DST: variants seen among roughly 807,000 people sequenced by gnomAD.
DST encodes the protein dystonin.
In DST, 253 loss-of-function variants were observed where a neutral mutation model predicts 875.2. The observed-to-expected ratio is 0.29, with a 90% CI of 0.26 to 0.32. DST has a LOEUF of 0.32. DST is among the 10% of genes least tolerant of loss of function. The pLI, the probability that DST is intolerant of heterozygous loss-of-function variation, is 1.00. For missense variants in DST, 8,287 were observed against 9,111.6 expected (o/e 0.91, Z 3.68); for synonymous variants, 3,124 against 3,197.1 (o/e 0.98, Z 0.77).
chr6:56,524,481 T>C (rs1184446137), intron 69 of DST, among the ~76,000 whole-genome samples: 2 of 152,024 alleles, frequency 1.3e-5, no homozygotes, highest in African/African-American at 4.8e-5. Context: ...GGCACAGCAG[T>C]GAGGGAGAAT....
chr6:56,761,563 C>T (rs997157450), intron 4 of DST, among the ~76,000 whole-genome samples: 1 of 152,108 alleles, frequency 6.6e-6, no homozygotes, highest in African/African-American at 2.4e-5. Flanking sequence ...ACAAGTTAAA[C>T]AGCATAGTAG....
chr6:56,561,786 T>C (rs966549276), intron 56 of DST, among the ~76,000 whole-genome samples: 4 of 152,176 alleles, frequency 2.6e-5, no homozygotes, highest in Non-Finnish European at 4.4e-5. Context: ...ACATTTTAAA[T>C]GTAACAAAAA....
intron 2 of DST, among the ~76,000 whole-genome samples, chr6:56,907,833 G>C (rs1391886784): frequency 6.6e-6 from 1 of 152,164 alleles, no homozygotes; most frequent in African/African-American, 2.4e-5. Flanking sequence ...TACGCATCTG[G>C]AAAGAGGAAA....
intron 5 of DST, among the ~76,000 whole-genome samples, chr6:56,715,892 C>A (rs959744415): frequency 1.3e-5 from 2 of 152,180 alleles, no homozygotes; most frequent in Admixed American, 6.5e-5. Flanking sequence ...TTCCTATACG[C>A]CCCCCTTCCC....
rs764717486 is a variant in DST at position 56,606,447 on chromosome 6, C to T, written c.8181G>A (p.Arg2727=). 1.2e-6 allele frequency: 2 copies of T among 1,613,354 alleles called. No individual in the cohort carries two copies. The highest frequency in any genetic ancestry group is 2.2e-5 in the South Asian group (2 of 91,060). ...CACCTTCAAGGATATTTGTGCATTC[C>T]CTTTCTGATCCAGTTTCCAGTGACT... is the stretch of plus-strand genomic sequence containing the variant. ...NGQSLETGSE[R]ECTNILEGDE... Residue 2727 remains arginine (R), a synonymous_variant, in exon 40 of 104, where the codon AGG becomes AGA. Coordinates refer to ENST00000680361, the MANE Select transcript of DST (RefSeq NM_001374736.1).
intron 9 of DST, among the ~76,000 whole-genome samples, chr6:56,687,321 C>T (rs984747939): frequency 1.3e-5 from 2 of 152,164 alleles, no homozygotes; most frequent in Admixed American, 1.3e-4. Flanking sequence ...GCTCAGGATT[C>T]TTCTCCTACC....
rs767283968 is a variant in DST, at chr6:56,651,151, T to C, written c.1308A>G (p.Ile436Met). 6.2e-7 allele frequency: 1 copy of C among 1,612,798 alleles called. No homozygotes were observed. The highest frequency in any genetic ancestry group is 8.5e-7 in the Non-Finnish European group (1 of 1,179,242). ...AFYVAEKIGV[I>M]RLLDPEDVDV... ...ACTCACCTTCAGGGTCCAGAAGTCT[T>C]ATAACACCAATTTTTTCTGCTACGT... Residue 436 changes from isoleucine to methionine, a missense_variant, in exon 11 of 104, where the codon ATA (isoleucine) becomes ATG (methionine). Ile to Met is a conservative substitution (Grantham distance 10). Around this residue, in one of 10 missense-constraint regions of DST, gnomAD observed 1,160 missense variants for 1,424.3 expected, o/e 0.81. Transcript: ENST00000680361.
chr6:56,462,700 T>C (rs533541186), intron 102 of DST, among the ~76,000 whole-genome samples: 2 of 152,122 alleles, frequency 1.3e-5, no homozygotes, highest in African/African-American at 4.8e-5. Context: ...GTATATTTAG[T>C]AGCTTTAAAA....
chr6:56,880,713 A>AG (rs1387618821), intron 3 of DST, among the ~76,000 whole-genome samples: 1 of 151,884 alleles, frequency 6.6e-6, no homozygotes, highest in Non-Finnish European at 1.5e-5. Context: ...AAAAAAAAAA[A>AG]AAAGAAAGCA....
At chr6:56,566,271 G>C (rs1384199291) in intron 55 of DST, among the ~76,000 whole-genome samples, 2 of 152,176 alleles carry the variant, frequency 1.3e-5, no homozygotes, top group African/African-American at 4.8e-5. Context: ...CAGCTAGCTT[G>C]GTGTCCGCCC....
At chr6:56,807,202 T>G (rs1343280597) in intron 4 of DST, among the ~76,000 whole-genome samples, 1 of 152,016 alleles carries the variant, frequency 6.6e-6, no homozygotes, top group Middle Eastern at 3.2e-3. Flanking sequence ...AGGTGTGTGT[T>G]TTTTGTAGAG....
At chr6:56,587,453 A>G (rs1424608089) in intron 49 of DST, among the ~76,000 whole-genome samples, 2 of 152,246 alleles carry the variant, frequency 1.3e-5, no homozygotes, top group African/African-American at 4.8e-5. Flanking sequence ...CCTGAAAGTG[A>G]TGGGGAGAAT....
intron 4 of DST, among the ~76,000 whole-genome samples, chr6:56,846,045 G>C (rs2099806857): frequency 6.6e-6 from 1 of 152,146 alleles, no homozygotes; most frequent in Non-Finnish European, 1.5e-5. Flanking sequence ...TACAACCTTG[G>C]CAAAGTTTTT....
In DST at chr6:56,629,247, A is replaced by G. The variant is rs1158493743; in HGVS notation, c.4475+3T>C. The G allele has an allele frequency of 2.5e-6, 4 of 1,613,424 alleles. No homozygotes were observed. Among genetic ancestry groups the G allele is most frequent in the Admixed American group, 1.7e-5 (1 of 60,004 alleles). ...CTAAAACTGAACAAAAAAGGATACTAACCTGTTGTCAATCTGCACATGAAC... is the reference window on the plus strand; with the variant it reads ...CTAAAACTGAACAAAAAAGGATACTGACCTGTTGTCAATCTGCACATGAAC... On this transcript the variant is annotated splice_donor_region_variant and intron_variant, in intron 32 of 103. Transcript: ENST00000680361.
intron 4 of DST, among the ~76,000 whole-genome samples, chr6:56,814,707 A>C (rs1176298521): frequency 1.3e-5 from 2 of 152,096 alleles, no homozygotes; most frequent in Non-Finnish European, 2.9e-5. Context: ...TGAACTCTCT[A>C]CTCTTAAGAT....
chr6:56,858,226 G>A (rs1395853773), intron 3 of DST, among the ~76,000 whole-genome samples: 1 of 152,156 alleles, frequency 6.6e-6, no homozygotes, highest in Non-Finnish European at 1.5e-5. Flanking sequence ...GAGGAAGCAG[G>A]AAGGTTACTG....
chr6:56,686,899 C>T (rs558639863), intron 9 of DST, among the ~76,000 whole-genome samples: 3 of 152,338 alleles, frequency 2.0e-5, no homozygotes, highest in East Asian at 3.9e-4. Context: ...TACGTGACCT[C>T]GTTTAATCCT....
At chr6:56,584,790 G>C (rs1289967906) in intron 49 of DST, among the ~76,000 whole-genome samples, 2 of 152,132 alleles carry the variant, frequency 1.3e-5, no homozygotes, top group African/African-American at 4.8e-5. Flanking sequence ...TTTATTGACA[G>C]TTTTTAGCAT....
intron 22 of DST, 95 bp downstream of exon 22, chr6:56,639,164 T>C (rs2098856260): frequency 9.4e-7 from 1 of 1,068,658 alleles, no homozygotes; most frequent in Non-Finnish European, 1.4e-6. Flanking sequence ...AAAAGTTAGA[T>C]GGCTTGTAAT....
Sources: allele counts gnomAD v4.1 joint callset (sites outside exome capture counted in the v4.1 genomes callset), GRCh38; gene constraint gnomAD v4.1.1; regional missense constraint gnomAD v4.1.1; transcripts MANE v1.5; gene names NCBI Gene and HGNC (gene_info 2026-07-23, HGNC 2026-07-21).